Variants in RIMKLB observed in about 807,000 individuals in gnomAD.
RIMKLB encodes the protein ribosomal modification protein rimK like family member B, also known as beta-citrylglutamate synthase B.
RIMKLB carries 7 observed loss-of-function variants against 32.0 expected under a neutral mutation model. The ratio of observed to expected loss-of-function variants is 0.22; its 90% CI spans 0.12 to 0.41. The LOEUF (loss-of-function observed/expected upper bound fraction) is 0.41. RIMKLB is among the 10% of genes least tolerant of loss of function. The probability of loss-of-function intolerance (pLI) is 1.00; values close to 1 mark genes in which losing one functional copy is unlikely to be tolerated. For synonymous variants in RIMKLB, 172 were observed against 185.1 expected, an observed-to-expected ratio of 0.93 and a Z score of 0.57; for missense variants, 289 against 498.7, an observed-to-expected ratio of 0.58 and a Z score of 4.00.
chr12:8,773,376 G>C lies in RIMKLB; in HGVS notation c.753G>C (p.Gln251His). Residue 251 changes from glutamine (Q) to histidine (H), a missense_variant, in exon 6 of 6, where the codon CAG becomes CAC. Physicochemically the swap from Gln to His is conservative, Grantham distance 24 (BLOSUM62 0). Around this residue, in one of 3 missense-constraint regions of RIMKLB, gnomAD observed 156 missense variants for 329.5 expected, o/e 0.47. Transcript: ENST00000535829. Reference protein sequence around the residue: ...LSEQGKQLAIQVSNILGMDVC... With the variant: ...LSEQGKQLAIHVSNILGMDVC... ...AACAAGGGAAGCAGCTAGCTATCCAGGTGTCTAATATCCTGGGGATGGATG... is the reference window on the plus strand; with the variant it reads ...AACAAGGGAAGCAGCTAGCTATCCACGTGTCTAATATCCTGGGGATGGATG... The C allele has an allele frequency of 6.2e-7, 1 of 1,614,208 alleles. No individual in the cohort carries two copies. The highest frequency in any genetic ancestry group is 2.2e-5 in the East Asian group (1 of 44,890).
intron 1 of RIMKLB, among the ~76,000 whole-genome samples, chr12:8,706,534 T>C (rs944585417): frequency 1.0e-4 from 15 of 148,464 alleles, no homozygotes; most frequent in African/African-American, 3.8e-4. Context: ...CACTGCAACC[T>C]CTGCCTCCTG....
upstream of RIMKLB, among the ~76,000 whole-genome samples, chr12:8,694,486 C>T (rs189347424): frequency 1.2e-3 from 173 of 140,846 alleles, 1 homozygote; most frequent in African/African-American, 4.4e-3. Flanking sequence ...ACCTCCACCC[C>T]CAGGTTCAAA....
chr12:8,777,975 A>C (rs1044694564), downstream of RIMKLB, among the ~76,000 whole-genome samples: 2 of 152,234 alleles, frequency 1.3e-5, no homozygotes, highest in Admixed American at 6.5e-5. Context: ...TTTTGGGGGT[A>C]AAGTTTGACT....
chr12:8,778,470 A>G (rs1467786460), downstream of RIMKLB, among the ~76,000 whole-genome samples: 1 of 152,240 alleles, frequency 6.6e-6, no homozygotes, highest in African/African-American at 2.4e-5. Context: ...GATTATCAGA[A>G]AATCATGGTT....
chr12:8,736,101 A>G (rs1303775749), intron 2 of RIMKLB, among the ~76,000 whole-genome samples: 11 of 152,328 alleles, frequency 7.2e-5, no homozygotes, highest in South Asian at 2.1e-4. Flanking sequence ...TACAACTGAA[A>G]GATTTCTTCC....
intron 1 of RIMKLB, among the ~76,000 whole-genome samples, chr12:8,710,724 G>A (rs1387482505): frequency 6.6e-6 from 1 of 152,148 alleles, no homozygotes; most frequent in East Asian, 1.9e-4. Flanking sequence ...TGATGTATCA[G>A]CAGCGGAACA....
chr12:8,736,759 T>C (rs763418728), intron 2 of RIMKLB, among the ~76,000 whole-genome samples: 45 of 151,866 alleles, frequency 3.0e-4, no homozygotes, highest in Non-Finnish European at 5.4e-4. Context: ...GTGCTGAGAT[T>C]ATAGATGTGA....
At position 8,773,670 on chromosome 12, in the gene RIMKLB, C is replaced by T. The variant is rs764426209; in HGVS notation, c.1047C>T (p.Ser349=). ...TAVDNMSASS[S]SVDSDPESTE... ...TTGACAACATGAGTGCAAGTTCCAG[C>T]TCTGTTGACAGCGACCCTGAAAGCA... The change falls in exon 6 of 6, where the codon AGC becomes AGT. Residue 349 remains serine (S), a synonymous_variant. Coordinates refer to ENST00000535829, the MANE Select transcript of RIMKLB (RefSeq NM_001297776.2). 1.2e-6 allele frequency: 2 copies of T among 1,614,144 alleles called. No homozygotes were observed.
chr12:8,713,224 A>G (rs750946940), intron 1 of RIMKLB, among the ~76,000 whole-genome samples: 5 of 151,434 alleles, frequency 3.3e-5, no homozygotes, highest in African/African-American at 1.2e-4. Context: ...TCATTCTCCA[A>G]TTATTTATTT....
chr12:8,740,550 C>G (rs888244899), intron 2 of RIMKLB, among the ~76,000 whole-genome samples: 4 of 152,234 alleles, frequency 2.6e-5, no homozygotes, highest in African/African-American at 9.6e-5. Flanking sequence ...GCCTTTGCGT[C>G]CTCATAGCGT....
chr12:8,749,740 C>T, intron 2 of RIMKLB, 122 bp from the exon 3 acceptor site: 3 of 656,094 alleles, frequency 4.6e-6, no homozygotes, highest in Non-Finnish European at 5.1e-6. Flanking sequence ...ATCTCTATCC[C>T]AATTTAATAT....
intron 1 of RIMKLB, chr12:8,699,789 T>G (rs762185984): frequency 3.3e-5 from 5 of 152,418 alleles, no homozygotes; most frequent in Non-Finnish European, 5.9e-5. Context: ...TACCAGGTGC[T>G]GGAGTCTGCT....
At chr12:8,681,325 C>CA (rs112409279), upstream of RIMKLB, among the ~76,000 whole-genome samples, 61 of 147,110 alleles carry the variant, frequency 4.1e-4, no homozygotes, top group Middle Eastern at 3.5e-3. Flanking sequence ...AACAATTGTA[C>CA]AAAAAAAAAA....
At chr12:8,717,268 G>A (rs1944954987) in intron 2 of RIMKLB, among the ~76,000 whole-genome samples, 1 of 151,918 alleles carries the variant, frequency 6.6e-6, no homozygotes, top group Non-Finnish European at 1.5e-5. Flanking sequence ...CCACAGTTCT[G>A]TACTTTAAAT....
chr12:8,750,607 C>T (rs770278435), intron 3 of RIMKLB, among the ~76,000 whole-genome samples: 4 of 151,178 alleles, frequency 2.6e-5, no homozygotes, highest in South Asian at 2.1e-4. Flanking sequence ...GCAATGCTTT[C>T]GAACTTCTGG....
At chr12:8,750,162 G>A (rs1371386198) in intron 3 of RIMKLB, 70 bp downstream of exon 3, 4 of 933,476 alleles carry the variant, frequency 4.3e-6, no homozygotes, top group Non-Finnish European at 6.9e-6. Context: ...TAAATTTACA[G>A]ACATGAAAGA....
chr12:8,775,975 C>G lies in RIMKLB; in HGVS notation c.*2191C>G. ...ATGACCATACTGTGGAGGATGCATA[C>G]TATTTGGTATAGAGAAATAAATGAG... On this transcript the variant is annotated 3_prime_UTR_variant, in exon 6 of 6. Coordinates refer to ENST00000535829, the MANE Select transcript of RIMKLB (RefSeq NM_001297776.2). 3 of 983,432 alleles carry G rather than the reference C, an allele frequency of 3.1e-6. No homozygotes were observed. Among genetic ancestry groups the G allele is most frequent in the Non-Finnish European group, 3.6e-6 (3 of 828,198 alleles). 60.9% of individuals were successfully genotyped at this position (983,432 alleles called of 1,614,324 possible).
intron 2 of RIMKLB, among the ~76,000 whole-genome samples, chr12:8,739,523 T>C (rs1947306903): frequency 6.6e-6 from 1 of 152,152 alleles, no homozygotes; most frequent in African/African-American, 2.4e-5. Flanking sequence ...TCACCCACGC[T>C]GGTGCGCAAT....
chr12:8,708,925 A>C (rs1362769329), intron 1 of RIMKLB, among the ~76,000 whole-genome samples: 1 of 152,214 alleles, frequency 6.6e-6, no homozygotes, highest in Non-Finnish European at 1.5e-5. Context: ...TACTTTTGTC[A>C]GTAGTATTTA....
Sources: gnomAD v4.1 joint callset for allele counts (sites outside exome capture counted in the v4.1 genomes callset) on GRCh38, gnomAD v4.1.1 for gene constraint, gnomAD v4.1.1 regional missense constraint, MANE v1.5 for transcripts, NCBI Gene and HGNC (gene_info 2026-07-23, HGNC 2026-07-21) for gene names.